Variants in TTC29 observed in about 807,000 individuals in gnomAD.
The protein encoded by TTC29 is tetratricopeptide repeat protein 29.
A neutral mutation model predicts 58.1 loss-of-function variants in TTC29; 49 were observed. The ratio of observed to expected loss-of-function variants is 0.84; its 90% CI spans 0.67 to 1.07. The LOEUF (loss-of-function observed/expected upper bound fraction) is 1.07, where lower values mean the gene tolerates loss of function less well. Ranked by LOEUF, TTC29 falls within the 50% of genes least tolerant of loss-of-function variation. The probability of loss-of-function intolerance (pLI) is 0.00; values close to 1 mark genes in which losing one functional copy is unlikely to be tolerated. For synonymous variants in TTC29, 209 were observed against 196.8 expected, an observed-to-expected ratio of 1.06 and a Z score of -0.52; for missense variants, 582 against 555.6, an observed-to-expected ratio of 1.05 and a Z score of -0.48.
intron 9 of TTC29, among the ~76,000 whole-genome samples, chr4:146,831,964 G>T (rs1374644915): frequency 1.3e-5 from 2 of 152,010 alleles, no homozygotes; most frequent in Admixed American, 1.3e-4. Context: ...GTCTTGCTAT[G>T]TTGCCCAGGT....
intron 11 of TTC29, among the ~76,000 whole-genome samples, chr4:146,752,800 A>G (rs1250648253): frequency 1.3e-5 from 2 of 152,126 alleles, no homozygotes; most frequent in Non-Finnish European, 1.5e-5. Context: ...AAGCAATGGG[A>G]AAAGGATTCC....
chr4:146,751,582 T>C (rs575879283), intron 11 of TTC29, among the ~76,000 whole-genome samples: 1 of 152,058 alleles, frequency 6.6e-6, no homozygotes, highest in South Asian at 2.1e-4. Flanking sequence ...TTAAACAACA[T>C]CCTCCTGAGC....
intron 6 of TTC29, among the ~76,000 whole-genome samples, chr4:146,891,982 G>A (rs142965309): frequency 6.6e-6 from 1 of 152,118 alleles, no homozygotes; most frequent in Admixed American, 6.6e-5. Flanking sequence ...ACTCTGTTAA[G>A]TATCTTTATG....
chr4:146,745,353 A>G (rs1169903405), intron 11 of TTC29, among the ~76,000 whole-genome samples: 1 of 152,234 alleles, frequency 6.6e-6, no homozygotes, highest in African/African-American at 2.4e-5. Flanking sequence ...GCAGGTAGAT[A>G]GAGAACCACT....
intron 11 of TTC29, among the ~76,000 whole-genome samples, chr4:146,744,880 G>A (rs1439751452): frequency 6.6e-6 from 1 of 152,162 alleles, no homozygotes; most frequent in Non-Finnish European, 1.5e-5. Flanking sequence ...TCCCCAACAA[G>A]ACGTGTGAGT....
intron 11 of TTC29, among the ~76,000 whole-genome samples, chr4:146,713,560 G>A (rs536289134): frequency 1.6e-4 from 24 of 152,234 alleles, no homozygotes; most frequent in Non-Finnish European, 8.8e-5. Flanking sequence ...AATCAAGATG[G>A]AAACTTTTAA....
chr4:146,779,000 A>AAAAAAAAAAAAAAG (rs1748356449), intron 11 of TTC29, among the ~76,000 whole-genome samples: 1 of 112,228 alleles, frequency 8.9e-6, no homozygotes, highest in African/African-American at 4.1e-5. Flanking sequence ...AAAAAAAAAA[A>AAAAAAAAAAAAAAG]AAAGAAAAGA....
intron 9 of TTC29, among the ~76,000 whole-genome samples, chr4:146,823,641 G>A (rs1435933180): frequency 6.6e-6 from 1 of 152,218 alleles, no homozygotes; most frequent in Non-Finnish European, 1.5e-5. Context: ...TGTGAAGAAT[G>A]TCAATGGTAG....
intron 11 of TTC29, among the ~76,000 whole-genome samples, chr4:146,715,254 T>C (rs1386029411): frequency 6.6e-6 from 1 of 152,180 alleles, no homozygotes; most frequent in African/African-American, 2.4e-5. Context: ...GCAATCCCAC[T>C]GCTGGGTATT....
intron 7 of TTC29, among the ~76,000 whole-genome samples, chr4:146,871,350 G>C (rs1027809030): frequency 2.0e-5 from 3 of 151,796 alleles, no homozygotes; most frequent in African/African-American, 4.8e-5. Flanking sequence ...GTAGTAAAGG[G>C]CATCTACAAA....
At chr4:146,907,329 G>A (rs1278365671) in intron 5 of TTC29, among the ~76,000 whole-genome samples, 1 of 152,120 alleles carries the variant, frequency 6.6e-6, no homozygotes, top group Non-Finnish European at 1.5e-5. Flanking sequence ...GACATATTTA[G>A]CTTATATTTA....
Position 146,811,797 on chromosome 4 carries a change from A to G in TTC29, c.1102-8112T>C, listed in dbSNP as rs543971674. ...AATTTCTGGCAAGGTGAGGAGGAGG[A>G]GAAATAGAACTTCTGTGATCATTTT... is the stretch of plus-strand genomic sequence containing the variant. On this transcript the variant is annotated intron_variant, in intron 10 of 12. Transcript: ENST00000325106. Among the ~76,000 whole-genome samples the G allele has an allele frequency of 6.9e-4, 105 of 152,330 alleles. 1 individual carries two copies. The Middle Eastern group carries it at 0.017, about 25-fold the overall frequency.
At chr4:146,725,939 T>A (rs1738238230) in intron 11 of TTC29, among the ~76,000 whole-genome samples, 1 of 152,150 alleles carries the variant, frequency 6.6e-6, no homozygotes, top group Admixed American at 6.5e-5. Context: ...ATGGTGTAAT[T>A]ATAGTCCACT....
chr4:146,714,085 C>T (rs1171826177), intron 11 of TTC29, among the ~76,000 whole-genome samples: 1 of 152,004 alleles, frequency 6.6e-6, no homozygotes, highest in Non-Finnish European at 1.5e-5. Flanking sequence ...AAATCCTGAA[C>T]AAAATATATG....
At chr4:146,813,812 C>T (rs1166145972) in intron 10 of TTC29, among the ~76,000 whole-genome samples, 2 of 151,990 alleles carry the variant, frequency 1.3e-5, no homozygotes, top group Non-Finnish European at 1.5e-5. Flanking sequence ...GGTGAAACCC[C>T]GTCTCTATGA....
At chr4:146,721,527 G>C (rs1743350950) in intron 11 of TTC29, among the ~76,000 whole-genome samples, 1 of 152,116 alleles carries the variant, frequency 6.6e-6, no homozygotes, top group African/African-American at 2.4e-5. Flanking sequence ...TATATACATA[G>C]TGTTTTCTGA....
chr4:146,850,930 A>AT (rs1339904494), intron 8 of TTC29, among the ~76,000 whole-genome samples: 1 of 152,180 alleles, frequency 6.6e-6, no homozygotes, highest in Non-Finnish European at 1.5e-5. Context: ...TCGTTAAATC[A>AT]TTTGCATTAC....
chr4:146,708,515 T>C (rs1205298843), intron 11 of TTC29, among the ~76,000 whole-genome samples: 1 of 151,058 alleles, frequency 6.6e-6, no homozygotes, highest in Admixed American at 6.6e-5. Flanking sequence ...ATTTATCATA[T>C]ATTATATGTA....
chr4:146,737,676 T>A (rs1050693134), intron 11 of TTC29, among the ~76,000 whole-genome samples: 2 of 149,012 alleles, frequency 1.3e-5, no homozygotes, highest in Non-Finnish European at 3.0e-5. Context: ...AAGACACAAA[T>A]GCTCAGGGTG....
Sources: allele counts gnomAD v4.1 joint callset (sites outside exome capture counted in the v4.1 genomes callset), GRCh38; gene constraint gnomAD v4.1.1; transcripts MANE v1.5; gene names NCBI Gene and HGNC (gene_info 2026-07-23, HGNC 2026-07-21).